PPFIA2: variants seen among roughly 807,000 people sequenced by gnomAD.
PPFIA2 encodes the protein PPFI scaffold protein A2, also known as liprin-alpha-2.
PPFIA2 carries 46 observed loss-of-function variants against 175.5 expected under a neutral mutation model. That is an observed-to-expected ratio of 0.26 (90% confidence interval 0.21 to 0.34). The LOEUF (loss-of-function observed/expected upper bound fraction) is 0.34, where lower values mean the gene tolerates loss of function less well. Ranked by LOEUF, PPFIA2 falls within the 10% of genes least tolerant of loss-of-function variation. The pLI, the probability that PPFIA2 is intolerant of heterozygous loss-of-function variation, is 1.00. For synonymous variants in PPFIA2, 568 were observed against 511.4 expected (o/e 1.11, Z -1.49); for missense variants, 1,179 against 1,506.1 (o/e 0.78, Z 3.60).
At chr12:81,408,037 A>C (rs2043238567) in intron 7 of PPFIA2, among the ~76,000 whole-genome samples, 1 of 152,196 alleles carries the variant, frequency 6.6e-6, no homozygotes, top group African/African-American at 2.4e-5. Flanking sequence ...AAATGTGTTG[A>C]ATTAAATAAT....
At chr12:81,553,480 C>T in intron 4 of PPFIA2, among the ~76,000 whole-genome samples, 1 of 152,048 alleles carries the variant, frequency 6.6e-6, no homozygotes, top group Non-Finnish European at 1.5e-5. Flanking sequence ...CACTTTAACC[C>T]ATAGCATGTG....
chr12:81,355,010 G>T (rs116598042), intron 16 of PPFIA2, among the ~76,000 whole-genome samples: 1 of 152,060 alleles, frequency 6.6e-6, no homozygotes, highest in Admixed American at 6.6e-5. Flanking sequence ...ATGATGAATC[G>T]TTTCCAGAAT....
intron 8 of PPFIA2, among the ~76,000 whole-genome samples, chr12:81,391,058 A>G (rs1566616471): frequency 6.6e-6 from 1 of 151,980 alleles, no homozygotes; most frequent in Non-Finnish European, 1.5e-5. Flanking sequence ...AAAAGGTGAT[A>G]ATACTTTTCT....
At chr12:81,618,703 T>TC (rs2153477655) in intron 4 of PPFIA2, among the ~76,000 whole-genome samples, 1 of 151,946 alleles carries the variant, frequency 6.6e-6, no homozygotes, top group East Asian at 1.9e-4. Context: ...TAATTTTTTT[T>TC]TGTATTTTTT....
At chr12:81,456,565 C>G (rs753087078) in intron 5 of PPFIA2, among the ~76,000 whole-genome samples, 7 of 152,098 alleles carry the variant, frequency 4.6e-5, no homozygotes, top group Non-Finnish European at 1.0e-4. Context: ...ATTAGCTATA[C>G]CTATTTTTTT....
chr12:81,737,030 T>C (rs751822490), intron 3 of PPFIA2, among the ~76,000 whole-genome samples: 6 of 152,004 alleles, frequency 3.9e-5, no homozygotes, highest in Non-Finnish European at 7.4e-5. Context: ...GACTGTGTAA[T>C]TGGGACCAGC....
At chr12:81,474,787 G>T (rs572420683) in intron 4 of PPFIA2, among the ~76,000 whole-genome samples, 1 of 152,178 alleles carries the variant, frequency 6.6e-6, no homozygotes, top group East Asian at 1.9e-4. Flanking sequence ...ATGAATTAAA[G>T]AAGGTTTAGC....
chr12:81,295,228 C>A (rs1405416145), intron 23 of PPFIA2, among the ~76,000 whole-genome samples, 193 bp from the exon 24 acceptor site: 1 of 152,002 alleles, frequency 6.6e-6, no homozygotes, highest in African/African-American at 2.4e-5. Flanking sequence ...ACCAGGGAGG[C>A]AGGGATAGAA....
chr12:81,553,789 G>GA (rs79944575), intron 4 of PPFIA2, among the ~76,000 whole-genome samples: 4,103 of 152,054 alleles, frequency 0.027, 91 homozygotes, highest in East Asian at 0.1. Context: ...TCCCTGGTCA[G>GA]AAAAAATAGT....
rs116695959 is a variant in PPFIA2, at chr12:81,624,369, A to C, written c.303+52422T>G. On this transcript the variant is annotated intron_variant, in intron 4 of 32. Transcript: ENST00000549396. ...TGTTACTCTAGCATTAACCAGTCCC[A>C]GGTCACTATAAAATATATATACTGA... Among the ~76,000 whole-genome samples, 915 of 149,390 alleles carry C rather than the reference A, an allele frequency of 6.1e-3. 12 individuals carry two copies. Among genetic ancestry groups the C allele is most frequent in the African/African-American group, 0.021 (875 of 41,034 alleles).
intron 4 of PPFIA2, among the ~76,000 whole-genome samples, chr12:81,533,382 A>T (rs1192007819): frequency 1.3e-5 from 2 of 151,616 alleles, no homozygotes; most frequent in African/African-American, 2.4e-5. Flanking sequence ...TGTATATTCA[A>T]TGCCTTTCTT....
intron 30 of PPFIA2, among the ~76,000 whole-genome samples, chr12:81,264,535 A>G (rs1353178173): frequency 1.3e-5 from 2 of 152,130 alleles, no homozygotes; most frequent in Non-Finnish European, 2.9e-5. Flanking sequence ...ATTTGATTTC[A>G]TTCTGGCATT....
chr12:81,299,797 C>G (rs11114814), intron 22 of PPFIA2, among the ~76,000 whole-genome samples: 55,749 of 151,898 alleles, frequency 0.37, 11,804 homozygotes, highest in Non-Finnish European at 0.49. Context: ...AAAGAAAATG[C>G]TTATATAGAG....
At position 81,716,648 on chromosome 12, in the gene PPFIA2, G is replaced by T. The variant is rs528182001; in HGVS notation, c.249+37325C>A. Among the ~76,000 whole-genome samples the T allele has an allele frequency of 6.6e-5, 10 of 151,648 alleles. 3 individuals are homozygous for T. The South Asian group carries it at 2.1e-3, about 32-fold the overall frequency. ...AAAGCAAAAATAAATGCCTAAAAAT[G>T]CATGTTAGAAGTGATGCTTTAAACG... On this transcript the variant is annotated intron_variant, in intron 3 of 32. Transcript: ENST00000549396.
intron 13 of PPFIA2, 23 bp downstream of exon 13, chr12:81,368,702 A>G (rs562087577): frequency 6.3e-7 from 1 of 1,595,996 alleles, no homozygotes; most frequent in African/African-American, 1.4e-5. Flanking sequence ...TATTCATGTG[A>G]TTTTACCCTT....
At chr12:81,529,605 C>T (rs1453492287) in intron 4 of PPFIA2, among the ~76,000 whole-genome samples, 1 of 150,684 alleles carries the variant, frequency 6.6e-6, no homozygotes, top group African/African-American at 2.5e-5. Context: ...AGGATTGCTC[C>T]AGGCACTAAA....
intron 28 of PPFIA2, among the ~76,000 whole-genome samples, chr12:81,274,010 G>A (rs1593544963): frequency 1.3e-5 from 2 of 151,768 alleles, no homozygotes; most frequent in East Asian, 1.9e-4. Context: ...CTTTTCCTCC[G>A]AGTTTTCCTT....
chr12:81,603,945 C>T (rs2060040762), intron 4 of PPFIA2, among the ~76,000 whole-genome samples: 1 of 150,962 alleles, frequency 6.6e-6, no homozygotes, highest in South Asian at 2.1e-4. Context: ...AGACTAATTA[C>T]CAAATGCCTT....
chr12:81,376,738 G>A (rs1474508839), intron 9 of PPFIA2, among the ~76,000 whole-genome samples: 1 of 152,106 alleles, frequency 6.6e-6, no homozygotes. Context: ...GCAGAAGTGA[G>A]GCTCATTGGC....
Sources: gnomAD v4.1 joint callset for allele counts (sites outside exome capture counted in the v4.1 genomes callset) on GRCh38, gnomAD v4.1.1 for gene constraint, MANE v1.5 for transcripts, NCBI Gene and HGNC (gene_info 2026-07-23, HGNC 2026-07-21) for gene names.